PRR16: variants seen among roughly 807,000 people sequenced by gnomAD.
PRR16 encodes the protein proline rich 16, also known as protein Largen.
Under a neutral mutation model 18.2 loss-of-function variants are expected in PRR16, and 6 were observed. That is an observed-to-expected ratio of 0.33 (90% CI 0.18 to 0.65). The LOEUF is 0.65. Among genes scored for constraint, PRR16 ranks in the 30% least tolerant of loss-of-function variants. The probability of loss-of-function intolerance (pLI) is 0.74; values close to 1 mark genes in which losing one functional copy is unlikely to be tolerated. For synonymous variants in PRR16, 151 were observed against 147.8 expected (o/e 1.02, Z -0.16); for missense variants, 412 against 376.6 (o/e 1.09, Z -0.78).
chr5:120,727,667 CTCTT>C, the PRR16 span, among the ~76,000 whole-genome samples: 1 of 152,144 alleles, frequency 6.6e-6, no homozygotes, highest in Non-Finnish European at 1.5e-5. Context: ...GGTTTTGAAA[CTCTT>C]TATTGTTGCC....
the PRR16 span, among the ~76,000 whole-genome samples, chr5:120,741,871 GATTGC>G: frequency 1.1e-4 from 17 of 152,156 alleles, no homozygotes; most frequent in African/African-American, 4.1e-4. Flanking sequence ...AACGTGCTGG[GATTGC>G]AGGCATGAGC....
chr5:120,778,636 T>C, the PRR16 span, among the ~76,000 whole-genome samples: 3 of 152,170 alleles, frequency 2.0e-5, no homozygotes, highest in Non-Finnish European at 4.4e-5. Context: ...AACGTGATTG[T>C]ATTCAGCAGA....
chr5:120,521,167 C>T (rs73266107), intron 1 of PRR16, among the ~76,000 whole-genome samples: 32,240 of 151,906 alleles, frequency 0.21, 3,781 homozygotes, highest in African/African-American at 0.31. Context: ...TACAGGATTC[C>T]CCAATGAAAG....
the PRR16 span, among the ~76,000 whole-genome samples, chr5:120,738,615 C>A: frequency 6.6e-6 from 1 of 152,078 alleles, no homozygotes; most frequent in Non-Finnish European, 1.5e-5. Context: ...ACATATAAAA[C>A]CAAACCATTT....
chr5:120,777,372 GTTTTATTTTGTATA>G, the PRR16 span, among the ~76,000 whole-genome samples: 7 of 151,860 alleles, frequency 4.6e-5, no homozygotes, highest in South Asian at 4.1e-4. Flanking sequence ...TTGCTGTTGT[GTTTTATTTTGTATA>G]TTTTATTTTG....
intron 1 of PRR16, among the ~76,000 whole-genome samples, chr5:120,611,863 T>G (rs1222439298): frequency 1.3e-5 from 2 of 152,114 alleles, no homozygotes; most frequent in Non-Finnish European, 2.9e-5. Context: ...CCCAGAATGG[T>G]AGCTCTACCG....
the PRR16 span, among the ~76,000 whole-genome samples, chr5:120,697,651 G>A: frequency 3.3e-5 from 5 of 152,092 alleles, no homozygotes; most frequent in African/African-American, 4.8e-5. Context: ...GAGAGTCAGC[G>A]AAGGGAGATA....
intron 1 of PRR16, among the ~76,000 whole-genome samples, chr5:120,471,820 C>A (rs892241731): frequency 6.6e-6 from 1 of 152,014 alleles, no homozygotes; most frequent in Non-Finnish European, 1.5e-5. Flanking sequence ...CAGAAAGTAG[C>A]ATTAACTGAA....
intron 1 of PRR16, among the ~76,000 whole-genome samples, chr5:120,597,460 A>T (rs1426163029): frequency 6.6e-6 from 1 of 151,686 alleles, no homozygotes; most frequent in Non-Finnish European, 1.5e-5. Context: ...AAATTCTGAC[A>T]TTCACATTTA....
chr5:120,537,769 G>GTTATTTTTTTTT (rs1561536413), intron 1 of PRR16, among the ~76,000 whole-genome samples: 2 of 115,198 alleles, frequency 1.7e-5, no homozygotes, highest in Non-Finnish European at 3.5e-5. Context: ...AATTTTTAAT[G>GTTATTTTTTTTT]TTTTTTTTTT....
At chr5:120,793,018 G>C in the PRR16 span, among the ~76,000 whole-genome samples, 13 of 149,278 alleles carry the variant, frequency 8.7e-5, no homozygotes, top group African/African-American at 2.4e-4. Flanking sequence ...TGGCTACGGT[G>C]GTGGGTGCCT....
chr5:120,559,386 C>T (rs1342757399), intron 1 of PRR16, among the ~76,000 whole-genome samples: 1 of 151,624 alleles, frequency 6.6e-6, no homozygotes, highest in Admixed American at 6.6e-5. Context: ...TTTCTCAGTA[C>T]CACTTATTGA....
the PRR16 span, chr5:120,781,354 T>C: frequency 6.6e-6 from 1 of 152,132 alleles, no homozygotes. Flanking sequence ...AAGAAACGGG[T>C]AGACCTGGGT....
chr5:120,770,437 G>A, the PRR16 span, among the ~76,000 whole-genome samples: 1 of 151,854 alleles, frequency 6.6e-6, no homozygotes. Context: ...ATAGATTGAA[G>A]ACATAAACAT....
intron 1 of PRR16, among the ~76,000 whole-genome samples, chr5:120,628,702 C>G (rs1469467184): frequency 2.2e-5 from 1 of 46,194 alleles, no homozygotes; most frequent in Non-Finnish European, 4.1e-5. Flanking sequence ...TACCATCTAT[C>G]TATCTATCTA....
At chr5:120,720,238 T>C in the PRR16 span, among the ~76,000 whole-genome samples, 8 of 152,028 alleles carry the variant, frequency 5.3e-5, no homozygotes, top group Non-Finnish European at 1.0e-4. Flanking sequence ...TTCTCTACCT[T>C]AATGTCCCTA....
At chr5:120,731,116 A>G in the PRR16 span, among the ~76,000 whole-genome samples, 36 of 152,288 alleles carry the variant, frequency 2.4e-4, 1 homozygote, top group Admixed American at 1.3e-3. Flanking sequence ...GGTATAAGTT[A>G]TACTTTATAT....
intron 1 of PRR16, among the ~76,000 whole-genome samples, chr5:120,630,619 G>A (rs1755020944): frequency 1.3e-5 from 2 of 151,750 alleles, no homozygotes; most frequent in Admixed American, 6.6e-5. Context: ...AAACATCCAT[G>A]TCTTCTACCT....
intron 1 of PRR16, among the ~76,000 whole-genome samples, chr5:120,606,019 T>A (rs1441221786): frequency 1.3e-5 from 2 of 152,100 alleles, no homozygotes; most frequent in Non-Finnish European, 1.5e-5. Flanking sequence ...GCAGGGGGGA[T>A]GCAGGTGAGT....
Sources: allele counts gnomAD v4.1 joint callset (sites outside exome capture counted in the v4.1 genomes callset), GRCh38; gene constraint gnomAD v4.1.1; transcripts MANE v1.5; gene names NCBI Gene and HGNC (gene_info 2026-07-23, HGNC 2026-07-21).